The following ZDHHC9 variants were observed in gnomAD, a reference collection of about 807,000 sequenced individuals.
ZDHHC9 encodes the protein palmitoyltransferase ZDHHC9.
In ZDHHC9, 3 loss-of-function variants were observed where a neutral mutation model predicts 26.6. That is an observed-to-expected ratio of 0.11 (90% CI 0.05 to 0.29). ZDHHC9 has a LOEUF of 0.29. Among genes scored for constraint, ZDHHC9 ranks in the 10% least tolerant of loss-of-function variants. ZDHHC9 has a pLI of 1.00. For missense variants in ZDHHC9, 146 were observed against 296.4 expected (o/e 0.49, Z 3.73); for synonymous variants, 111 against 109.4 (o/e 1.01, Z -0.09).
rs1306539100 is a variant in ZDHHC9, at chrX:129,840,242, G to A, written c.167+1537C>T. ...CAACTAACTCAAAGCCTGGGAACAA[G>A]GCTCATCTCTGTTTGGAATAGTTGT... is the stretch of plus-strand genomic sequence containing the variant. On this transcript the variant is annotated intron_variant, in intron 3 of 10. Transcript: ENST00000357166. Among the ~76,000 whole-genome samples, 5 of 107,642 alleles carry A rather than the reference G, an allele frequency of 4.6e-5. No homozygotes were observed. The Admixed American group carries it at 5.0e-4, about 11-fold the overall frequency. 93.5% of individuals were successfully genotyped at this position (107,642 alleles called of 115,157 possible). A position where few individuals can be genotyped will look rare whatever the true frequency, so the allele number is the denominator to read the frequency against.
At chrX:129,832,334 A>G (rs1385175335) in intron 3 of ZDHHC9, among the ~76,000 whole-genome samples, 3 of 111,182 alleles carry the variant, frequency 2.7e-5, no homozygotes, top group Non-Finnish European at 5.7e-5. Flanking sequence ...ATCCTCAAAC[A>G]TCACTAATTT....
At chrX:129,832,535 G>A (rs1006602974) in intron 3 of ZDHHC9, among the ~76,000 whole-genome samples, 1 of 111,161 alleles carries the variant, frequency 9.0e-6, no homozygotes, top group Non-Finnish European at 1.9e-5. Context: ...TGTAATCCCA[G>A]CACTTTGGGA....
chrX:129,842,722 C>A (rs1229328412), intron 2 of ZDHHC9, among the ~76,000 whole-genome samples: 2 of 112,888 alleles, frequency 1.8e-5, no homozygotes, highest in Non-Finnish European at 1.9e-5. Flanking sequence ...CAGATTTCCC[C>A]TCATCAAACC....
At chrX:129,838,505 C>G (rs1928309379) in intron 3 of ZDHHC9, among the ~76,000 whole-genome samples, 1 of 110,860 alleles carries the variant, frequency 9.0e-6, no homozygotes, top group Admixed American at 9.6e-5. Context: ...AACCCTGTCT[C>G]TACTGAAAAT....
At chrX:129,841,273 C>T (rs1360996167) in intron 3 of ZDHHC9, among the ~76,000 whole-genome samples, 2 of 112,420 alleles carry the variant, frequency 1.8e-5, no homozygotes, top group African/African-American at 6.5e-5. Flanking sequence ...ATGTGCCACG[C>T]ACACAACTAG....
At chrX:129,819,682 C>T (rs1319781202) in intron 5 of ZDHHC9, among the ~76,000 whole-genome samples, 5 of 109,382 alleles carry the variant, frequency 4.6e-5, no homozygotes, top group Non-Finnish European at 9.4e-5. Flanking sequence ...GTCTAATGTA[C>T]GAATGTCCTA....
At chrX:129,842,372 C>T (rs1047554159) in intron 2 of ZDHHC9, among the ~76,000 whole-genome samples, 9 of 112,083 alleles carry the variant, frequency 8.0e-5, no homozygotes, top group African/African-American at 2.9e-4. Context: ...TATAGGTGAT[C>T]GTGCCAATTA....
rs1927662295 is a variant in ZDHHC9 at position 129,812,364 on chromosome X, C to T, written c.777+354G>A. Among the ~76,000 whole-genome samples the T allele has an allele frequency of 4.4e-5, 5 of 112,622 alleles. No individual in the cohort carries two copies. The South Asian group carries it at 1.8e-3, about 41-fold the overall frequency. ...CCTCCCAAAGTGCTGGGATTACAGG[C>T]GTGAGCCACCACACCCAGCCTAATT... On this transcript the variant is annotated intron_variant, in intron 8 of 10. Coordinates refer to ENST00000357166, the MANE Select transcript of ZDHHC9 (RefSeq NM_016032.4).
At chrX:129,842,891 G>C (rs1194640221) in intron 2 of ZDHHC9, among the ~76,000 whole-genome samples, 3 of 112,598 alleles carry the variant, frequency 2.7e-5, no homozygotes, top group African/African-American at 9.7e-5. Context: ...GGCTGGTTGG[G>C]GGGTGGGGAA....
intron 6 of ZDHHC9, among the ~76,000 whole-genome samples, chrX:129,814,412 C>G (rs1219681873): frequency 8.9e-6 from 1 of 112,085 alleles, no homozygotes; most frequent in Non-Finnish European, 1.9e-5. Flanking sequence ...TGGATACAGA[C>G]CAGTAATTAT....
chrX:129,823,961 T>C (rs1927951874), intron 4 of ZDHHC9, 124 bp from the exon 5 acceptor site: 1 of 600,452 alleles, frequency 1.7e-6, no homozygotes, highest in Non-Finnish European at 2.8e-6. Context: ...TTTTATAGAC[T>C]AGACACTCAA....
intron 8 of ZDHHC9, among the ~76,000 whole-genome samples, 191 bp downstream of exon 8, chrX:129,812,527 A>C (rs1229668860): frequency 8.9e-6 from 1 of 112,051 alleles, no homozygotes; most frequent in African/African-American, 3.2e-5. Context: ...TCTTCTTCCT[A>C]ATGCTCCACA....
At chrX:129,814,924 T>G (rs757760114) in intron 5 of ZDHHC9, 129 bp from the exon 6 acceptor site, 5 of 722,873 alleles carry the variant, frequency 6.9e-6, no homozygotes, top group South Asian at 2.7e-5. Context: ...ATATAGGGTT[T>G]TTTTTTTTTT....
At chrX:129,816,924 C>G (rs1464943998) in intron 5 of ZDHHC9, among the ~76,000 whole-genome samples, 2 of 110,979 alleles carry the variant, frequency 1.8e-5, no homozygotes, top group Non-Finnish European at 3.8e-5. Context: ...CACTTGTCAC[C>G]CAGGCTGGAG....
intron 3 of ZDHHC9, among the ~76,000 whole-genome samples, chrX:129,835,283 C>T (rs768250546): frequency 2.1e-4 from 23 of 107,952 alleles, no homozygotes; most frequent in Admixed American, 4.0e-4. Flanking sequence ...CCTGTCTCTA[C>T]AAAAAATACA....
chrX:129,834,247 G>T (rs1409154706), intron 3 of ZDHHC9, among the ~76,000 whole-genome samples: 1 of 111,445 alleles, frequency 9.0e-6, no homozygotes, highest in African/African-American at 3.3e-5. Context: ...CCAGAACTAT[G>T]AGACACAAAT....
chrX:129,828,182 T>C (rs1928063007), intron 4 of ZDHHC9, among the ~76,000 whole-genome samples: 1 of 111,953 alleles, frequency 8.9e-6, no homozygotes, highest in Non-Finnish European at 1.9e-5. Context: ...ATCCCTGAAA[T>C]TACATACAAA....
chrX:129,807,956 AC>A (rs1252723538), intron 10 of ZDHHC9, among the ~76,000 whole-genome samples: 2 of 112,886 alleles, frequency 1.8e-5, no homozygotes, highest in African/African-American at 6.4e-5. Context: ...AATTAGTAAA[AC>A]AATTTCACTT....
chrX:129,818,676 C>T (rs1927811875), intron 5 of ZDHHC9, among the ~76,000 whole-genome samples: 2 of 111,769 alleles, frequency 1.8e-5, no homozygotes, highest in African/African-American at 3.2e-5. Flanking sequence ...TGTAGAAAAA[C>T]GCTCAGGATA....
Sources: gnomAD v4.1 joint callset for allele counts (sites outside exome capture counted in the v4.1 genomes callset) on GRCh38, gnomAD v4.1.1 for gene constraint, MANE v1.5 for transcripts, NCBI Gene and HGNC (gene_info 2026-07-23, HGNC 2026-07-21) for gene names.